Variants in DHRSX observed in about 807,000 individuals in gnomAD.
The protein encoded by DHRSX is polyprenol dehydrogenase.
A neutral mutation model predicts 34.0 loss-of-function variants in DHRSX; 31 were observed. The observed-to-expected ratio is 0.91, with a 90% confidence interval of 0.69 to 1.23. The LOEUF is 1.23. DHRSX is among the 50% of genes most tolerant of loss of function. The probability of loss-of-function intolerance (pLI) is 0.00; values close to 1 mark genes in which losing one functional copy is unlikely to be tolerated. For synonymous variants in DHRSX, 201 were observed against 183.8 expected, an observed-to-expected ratio of 1.09 and a Z score of -0.76; for missense variants, 414 against 428.1, an observed-to-expected ratio of 0.97 and a Z score of 0.29.
At chrX:2,482,802 C>T (rs921756126) in intron 1 of DHRSX, among the ~76,000 whole-genome samples, 2 of 152,080 alleles carry the variant, frequency 1.3e-5, no homozygotes, top group Admixed American at 6.6e-5. Flanking sequence ...CCGGTGACCT[C>T]GAACACCCCA....
At chrX:2,397,044 A>T (rs1356067878) in intron 3 of DHRSX, among the ~76,000 whole-genome samples, 16 of 152,096 alleles carry the variant, frequency 1.1e-4, no homozygotes, top group Non-Finnish European at 1.5e-5. Context: ...TCTGTCGCCC[A>T]AGCTAAAGTA....
chrX:2,403,313 C>A (rs928436313), intron 3 of DHRSX, among the ~76,000 whole-genome samples: 4 of 152,210 alleles, frequency 2.6e-5, no homozygotes, highest in African/African-American at 9.7e-5. Context: ...CCACGGCACA[C>A]CCCATCTTCC....
At chrX:2,311,049 A>C (rs1464356099) in intron 3 of DHRSX, among the ~76,000 whole-genome samples, 1 of 129,266 alleles carries the variant, frequency 7.7e-6, no homozygotes, top group Non-Finnish European at 1.7e-5. Context: ...TGAGAAGAAC[A>C]ACACTCTGTG....
intron 3 of DHRSX, among the ~76,000 whole-genome samples, chrX:2,317,303 G>T (rs1217907501): frequency 7.2e-6 from 1 of 138,886 alleles, no homozygotes; most frequent in Non-Finnish European, 1.5e-5. Flanking sequence ...CCAGGCTAGA[G>T]TGCAGTGGCG....
At chrX:2,416,067 C>T (rs2043689585) in intron 2 of DHRSX, among the ~76,000 whole-genome samples, 3 of 151,952 alleles carry the variant, frequency 2.0e-5, no homozygotes, top group Admixed American at 2.0e-4. Context: ...CGGACCTCCT[C>T]ATAACCTAAC....
chrX:2,326,417 G>A (rs1189451259), intron 3 of DHRSX, among the ~76,000 whole-genome samples: 2 of 152,108 alleles, frequency 1.3e-5, no homozygotes, highest in African/African-American at 4.8e-5. Context: ...CAGCTACTCG[G>A]GAGGCTGAGG....
At chrX:2,293,605 CAG>C (rs2041893115) in intron 3 of DHRSX, among the ~76,000 whole-genome samples, 1 of 152,004 alleles carries the variant, frequency 6.6e-6, no homozygotes, top group Non-Finnish European at 1.5e-5. Context: ...GTGCAGAGGT[CAG>C]AGACAGGAGT....
intron 1 of DHRSX, chrX:2,486,504 G>A (rs2044933457): frequency 6.6e-6 from 1 of 152,152 alleles, no homozygotes; most frequent in African/African-American, 2.4e-5. Context: ...CGTTCAGGAG[G>A]GGAACGATGG....
At chrX:2,330,088 G>C (rs1189144979) in intron 3 of DHRSX, among the ~76,000 whole-genome samples, 1 of 11,956 alleles carries the variant, frequency 8.4e-5, no homozygotes, top group Non-Finnish European at 4.8e-4. Flanking sequence ...GGGGGGGGGG[G>C]GGGGGGAGGG....
intron 4 of DHRSX, among the ~76,000 whole-genome samples, chrX:2,288,726 A>G (rs901968824): frequency 2.8e-4 from 43 of 152,228 alleles, no homozygotes; most frequent in Admixed American, 4.6e-4. Context: ...AAAGGTCTAG[A>G]TAAGTCTAGG....
At chrX:2,483,440 T>G (rs1448887370) in intron 1 of DHRSX, among the ~76,000 whole-genome samples, 3 of 151,992 alleles carry the variant, frequency 2.0e-5, no homozygotes, top group Non-Finnish European at 2.9e-5. Flanking sequence ...GCTAATTTTT[T>G]GTATTTTTAG....
At chrX:2,499,589 G>A (rs1454335827) in intron 1 of DHRSX, among the ~76,000 whole-genome samples, 1 of 151,412 alleles carries the variant, frequency 6.6e-6, no homozygotes, top group Non-Finnish European at 1.5e-5. Context: ...TGGGCAACAT[G>A]GTGAGATGCC....
chrX:2,377,478 A>G (rs1407356537), intron 3 of DHRSX, among the ~76,000 whole-genome samples: 1 of 152,010 alleles, frequency 6.6e-6, no homozygotes, highest in East Asian at 1.9e-4. Flanking sequence ...GCCACTGCTG[A>G]TCTGACAGGA....
chrX:2,372,747 T>G (rs889766344), intron 3 of DHRSX, among the ~76,000 whole-genome samples: 14 of 152,056 alleles, frequency 9.2e-5, no homozygotes, highest in Admixed American at 3.3e-4. Context: ...TAGCTGGGAT[T>G]ACAGGCACCC....
At chrX:2,287,998 C>A (rs972072635) in intron 4 of DHRSX, among the ~76,000 whole-genome samples, 1 of 152,076 alleles carries the variant, frequency 6.6e-6, no homozygotes, top group Non-Finnish European at 1.5e-5. Context: ...GCAAAAGGGC[C>A]TTTGTAGATG....
intron 3 of DHRSX, among the ~76,000 whole-genome samples, chrX:2,295,831 C>G (rs1277098472): frequency 6.6e-6 from 1 of 152,116 alleles, no homozygotes; most frequent in African/African-American, 2.4e-5. Context: ...CACGCGGTTC[C>G]GGCATGTGGC....
At chrX:2,271,778 C>G (rs758948063) in intron 4 of DHRSX, among the ~76,000 whole-genome samples, 1 of 152,228 alleles carries the variant, frequency 6.6e-6, no homozygotes, top group East Asian at 1.9e-4. Context: ...GTGGGTCATG[C>G]CTGTAATCCT....
chrX:2,411,790 G>A (rs979275631), intron 2 of DHRSX, among the ~76,000 whole-genome samples: 13 of 151,454 alleles, frequency 8.6e-5, no homozygotes, highest in African/African-American at 2.4e-4. Flanking sequence ...AAGCTGGGAC[G>A]AAGTAAGATG....
At chrX:2,271,772 G>C (rs1052625495) in intron 4 of DHRSX, among the ~76,000 whole-genome samples, 1 of 152,076 alleles carries the variant, frequency 6.6e-6, no homozygotes, top group Admixed American at 6.6e-5. Flanking sequence ...GGCCCGGTGG[G>C]TCATGCCTGT....
Sources: gnomAD v4.1 joint callset for allele counts (sites outside exome capture counted in the v4.1 genomes callset) on GRCh38, gnomAD v4.1.1 for gene constraint, MANE v1.5 for transcripts, NCBI Gene and HGNC (gene_info 2026-07-23, HGNC 2026-07-21) for gene names.